The following KIRREL3 variants were observed in gnomAD, a reference collection of about 807,000 sequenced individuals.
The protein encoded by KIRREL3 is kirre like nephrin family adhesion molecule 3, also known as kin of IRRE-like protein 3.
In KIRREL3, 36 loss-of-function variants were observed where a neutral mutation model predicts 89.7. The observed-to-expected ratio is 0.40, with a 90% CI of 0.31 to 0.53. The LOEUF is 0.53. Among genes scored for constraint, KIRREL3 ranks in the 20% least tolerant of loss-of-function variants. The pLI is 0.49. For missense variants in KIRREL3, 864 were observed against 1,056.6 expected (o/e 0.82, Z 2.53); for synonymous variants, 445 against 441.4 (o/e 1.01, Z -0.10).
rs1026558244 is a variant in KIRREL3, at chr11:126,987,554, C to T, written c.55+12901G>A. Among the ~76,000 whole-genome samples the T allele has an allele frequency of 9.2e-5, 14 of 152,180 alleles. No individual in the cohort carries two copies. Among genetic ancestry groups the T allele is most frequent in the African/African-American group, 3.4e-4 (14 of 41,444 alleles). On this transcript the variant is annotated intron_variant, in intron 1 of 16. Coordinates refer to ENST00000525144, the MANE Select transcript of KIRREL3 (RefSeq NM_032531.4). This position sits in a 1 kb window ranked among gnomAD's most constrained non-coding sequence, Gnocchi z 4.6. The stretch of plus-strand genomic sequence containing the variant: ...AAGTATGGATTTCTCTCTGCAAAAA[C>T]CTCTGTCCCAATCTGATGAAGAGAA...
At position 126,951,709 on chromosome 11, in the gene KIRREL3, G is replaced by A. The variant is rs559984235; in HGVS notation, c.55+48746C>T. Reference sequence around the variant, plus strand: ...TCAGGCATTAAGCGAAGACAGCTGTGGCAATCATTTTGTTAATATATGAGA... The same window carrying A: ...TCAGGCATTAAGCGAAGACAGCTGTAGCAATCATTTTGTTAATATATGAGA... On this transcript the variant is annotated intron_variant, in intron 1 of 16. Coordinates refer to ENST00000525144, the MANE Select transcript of KIRREL3 (RefSeq NM_032531.4). 5.3e-5 allele frequency among the ~76,000 whole-genome samples: 8 copies of A among 152,288 alleles called. 1 individual carries two copies. Among genetic ancestry groups the A allele is most frequent in the African/African-American group, 1.7e-4 (7 of 41,562 alleles).
intron 1 of KIRREL3, among the ~76,000 whole-genome samples, chr11:126,851,537 G>A (rs1005426510): frequency 2.0e-5 from 3 of 152,212 alleles, no homozygotes; most frequent in African/African-American, 4.8e-5. Context: ...TCTACTCCCC[G>A]ACTCTTACGC....
intron 1 of KIRREL3, among the ~76,000 whole-genome samples, chr11:126,573,997 A>G (rs1941116885): frequency 1.3e-5 from 2 of 152,174 alleles, no homozygotes; most frequent in Non-Finnish European, 2.9e-5. Flanking sequence ...TACTTTATGG[A>G]AAGTCCACAC....
At chr11:126,638,219 A>G (rs1944338239) in intron 1 of KIRREL3, among the ~76,000 whole-genome samples, 1 of 152,210 alleles carries the variant, frequency 6.6e-6, no homozygotes, top group Admixed American at 6.5e-5. Context: ...AAGTAATCCC[A>G]TTTCCTCTTG....
In KIRREL3 at chr11:126,551,530, A is replaced by G. The variant is rs1013011123; in HGVS notation, c.133+11305T>C. ...TAGATACATCATCACGCCTCAGGCC[A>G]TGCCCTGACTTTCAACCACTGATCC... On this transcript the variant is annotated intron_variant, in intron 2 of 16. Transcript: ENST00000525144. The surrounding 1 kb of genome is among the most constrained non-coding windows in gnomAD (Gnocchi z 4.9). 1.3e-5 allele frequency among the ~76,000 whole-genome samples: 2 copies of G among 152,166 alleles called. No individual in the cohort carries two copies. The highest frequency in any genetic ancestry group is 2.9e-5 in the Non-Finnish European group (2 of 68,034).
rs1394975799 is a variant in KIRREL3, at chr11:126,709,087, A to C, written c.56-146175T>G. 1.3e-5 allele frequency among the ~76,000 whole-genome samples: 2 copies of C among 152,230 alleles called. No individual in the cohort carries two copies. Among genetic ancestry groups the C allele is most frequent in the Admixed American group, 6.5e-5 (1 of 15,284 alleles). ...TATCCCTTCTGATCAACAGAGAAGG[A>C]GAGGAGAGCCTACACTGTGCTGGGT... On this transcript the variant is annotated intron_variant, in intron 1 of 16. Coordinates refer to ENST00000525144, the MANE Select transcript of KIRREL3 (RefSeq NM_032531.4). The surrounding 1 kb of genome is among the most constrained non-coding windows in gnomAD (Gnocchi z 4.0).
chr11:126,449,776 C>G (rs1397836023), intron 7 of KIRREL3, among the ~76,000 whole-genome samples: 2 of 152,234 alleles, frequency 1.3e-5, no homozygotes, highest in African/African-American at 2.4e-5. Context: ...TCTCTTTCCT[C>G]TTGACAAGCT....
rs1565594283 is a variant in KIRREL3 at position 126,615,443 on chromosome 11, T to C, written c.56-52531A>G. On this transcript the variant is annotated intron_variant, in intron 1 of 16. Transcript: ENST00000525144. This position sits in a 1 kb window ranked among gnomAD's most constrained non-coding sequence, Gnocchi z 5.4. ...TCTACAGTTAAGGAAACCAGAGCTT[T>C]GGGAGGTTAAGGAATGGGCAAAATC... Among the ~76,000 whole-genome samples, 4 of 152,166 alleles carry C rather than the reference T, an allele frequency of 2.6e-5. No individual in the cohort carries two copies.
chr11:126,995,551 T>C lies in KIRREL3; in HGVS notation c.55+4904A>G, dbSNP rs1024201823. 2.9e-6 allele frequency: 1 copy of C among 346,324 alleles called. No individual in the cohort carries two copies. The highest frequency in any genetic ancestry group is 2.1e-5 in the African/African-American group (1 of 46,530). 21.5% of individuals were successfully genotyped at this position (346,324 alleles called of 1,614,324 possible). A position where few individuals can be genotyped will look rare whatever the true frequency, so the allele number is the denominator to read the frequency against. On this transcript the variant is annotated intron_variant, in intron 1 of 16. Transcript: ENST00000525144. This position sits in a 1 kb window ranked among gnomAD's most constrained non-coding sequence, Gnocchi z 6.5. ...CCTCTAGCCCCCTTAGCATCCCCCATCTATATCAAGACCATAAAACCAGTG... is the reference window on the plus strand; with the variant it reads ...CCTCTAGCCCCCTTAGCATCCCCCACCTATATCAAGACCATAAAACCAGTG...
rs568348722 is a variant in KIRREL3 at position 126,919,016 on chromosome 11, T to G, written c.55+81439A>C. ...TATTTGTATTATATATATGTATATA[T>G]GTATTATTATGTGTATTAATACTAT... On this transcript the variant is annotated intron_variant, in intron 1 of 16. Transcript: ENST00000525144. 1.0e-3 allele frequency among the ~76,000 whole-genome samples: 156 copies of G among 149,676 alleles called. 1 individual carries two copies. In the Middle Eastern group the frequency reaches 0.032, roughly 31 times the overall value.
intron 1 of KIRREL3, among the ~76,000 whole-genome samples, chr11:126,928,649 G>A (rs542853354): frequency 1.5e-4 from 23 of 152,362 alleles, no homozygotes; most frequent in African/African-American, 5.3e-4. Context: ...CAAGGTCTCA[G>A]TTAATGCAAA....
chr11:126,432,115 A>G lies in KIRREL3; in HGVS notation c.1589-589T>C, dbSNP rs1399356848. 1.3e-5 allele frequency among the ~76,000 whole-genome samples: 2 copies of G among 151,946 alleles called. No individual in the cohort carries two copies. The highest frequency in any genetic ancestry group is 4.8e-5 in the African/African-American group (2 of 41,350). On this transcript the variant is annotated intron_variant, in intron 13 of 16. Coordinates refer to ENST00000525144, the MANE Select transcript of KIRREL3 (RefSeq NM_032531.4). This position sits in a 1 kb window ranked among gnomAD's most constrained non-coding sequence, Gnocchi z 6.2. ...GGTGTCCAAGTCTCAGGGTCCAGGGAGCAGGGTTACAGCTTCTCCACTGCC... is the reference window on the plus strand; with the variant it reads ...GGTGTCCAAGTCTCAGGGTCCAGGGGGCAGGGTTACAGCTTCTCCACTGCC...
chr11:126,899,006 G>GT (rs1335885656), intron 1 of KIRREL3, among the ~76,000 whole-genome samples: 4 of 86,056 alleles, frequency 4.6e-5, no homozygotes, highest in Admixed American at 1.2e-4. Context: ...CCGCAGGGGA[G>GT]TTTGGGGGGG....
At chr11:126,509,257 T>C (rs1398019848) in intron 4 of KIRREL3, among the ~76,000 whole-genome samples, 1 of 152,220 alleles carries the variant, frequency 6.6e-6, no homozygotes, top group Non-Finnish European at 1.5e-5. Flanking sequence ...AGCCCTGTTC[T>C]GCCTGGACTG....
chr11:126,559,067 G>A (rs531172240), intron 2 of KIRREL3, among the ~76,000 whole-genome samples: 1 of 152,174 alleles, frequency 6.6e-6, no homozygotes, highest in African/African-American at 2.4e-5. Flanking sequence ...CAGAAAGAAG[G>A]GAAACTACCC....
At chr11:126,581,015 G>T (rs1224335137) in intron 1 of KIRREL3, among the ~76,000 whole-genome samples, 2 of 152,016 alleles carry the variant, frequency 1.3e-5, no homozygotes, top group African/African-American at 4.8e-5. Context: ...TCTGGAAAGG[G>T]TTAGACAGCC....
intron 4 of KIRREL3, among the ~76,000 whole-genome samples, chr11:126,480,738 G>A (rs1957193438): frequency 6.6e-6 from 1 of 152,208 alleles, no homozygotes; most frequent in Non-Finnish European, 1.5e-5. Context: ...AATTTCAGAG[G>A]GCCCCAGGAA....
In KIRREL3 at chr11:126,977,419, C is replaced by T. The variant is rs1467197000; in HGVS notation, c.55+23036G>A. 1.3e-5 allele frequency among the ~76,000 whole-genome samples: 2 copies of T among 152,178 alleles called. No individual in the cohort carries two copies. Among genetic ancestry groups the T allele is most frequent in the Admixed American group, 1.3e-4 (2 of 15,274 alleles). The stretch of plus-strand genomic sequence containing the variant: ...TTTTCATATTGTTTATTTTCTACTG[C>T]CTCTGGCGATGCTCCTGATCCTCCA... On this transcript the variant is annotated intron_variant, in intron 1 of 16. Transcript: ENST00000525144. This position sits in a 1 kb window ranked among gnomAD's most constrained non-coding sequence, Gnocchi z 4.7.
At chr11:126,841,338 C>T (rs555164512) in intron 1 of KIRREL3, among the ~76,000 whole-genome samples, 49 of 152,278 alleles carry the variant, frequency 3.2e-4, no homozygotes, top group African/African-American at 1.1e-3. Flanking sequence ...CAGAGCGAGG[C>T]GTGTTAACCT....
Sources: allele counts gnomAD v4.1 joint callset (sites outside exome capture counted in the v4.1 genomes callset), GRCh38; gene constraint gnomAD v4.1.1; non-coding constraint Gnocchi (gnomAD v3.1); transcripts MANE v1.5; gene names NCBI Gene and HGNC (gene_info 2026-07-23, HGNC 2026-07-21).